SPOCK1: variants seen among roughly 807,000 people sequenced by gnomAD.
The protein encoded by SPOCK1 is SPARC (osteonectin), cwcv and kazal like domains proteoglycan 1, also known as testican-1.
In SPOCK1, 23 loss-of-function variants were observed where a neutral mutation model predicts 55.3. The observed-to-expected ratio is 0.42, with a 90% CI of 0.30 to 0.59. The LOEUF is 0.59. Ranked by LOEUF, SPOCK1 falls within the 20% of genes least tolerant of loss-of-function variation. The probability of loss-of-function intolerance (pLI) is 0.22; values close to 1 mark genes in which losing one functional copy is unlikely to be tolerated. For missense variants in SPOCK1, 499 were observed against 552.5 expected (o/e 0.90, Z 0.97); for synonymous variants, 226 against 221.0 (o/e 1.02, Z -0.20).
intron 3 of SPOCK1, among the ~76,000 whole-genome samples, chr5:137,221,950 G>C (rs1023341866): frequency 1.3e-5 from 2 of 152,192 alleles, no homozygotes; most frequent in African/African-American, 2.4e-5. Flanking sequence ...GTTTCTGTCT[G>C]ATGAGAAAGC....
intron 3 of SPOCK1, among the ~76,000 whole-genome samples, chr5:137,171,183 C>A (rs965922230): frequency 6.6e-6 from 1 of 152,190 alleles, no homozygotes; most frequent in African/African-American, 2.4e-5. Context: ...TGTGTCCTGA[C>A]AATCTGCTCT....
chr5:136,992,786 T>G (rs765795342), intron 6 of SPOCK1, 186 bp from the exon 7 acceptor site: 6 of 493,660 alleles, frequency 1.2e-5, no homozygotes, highest in Non-Finnish European at 2.1e-5. Flanking sequence ...AAAGAGAGCC[T>G]AGACCCCCAG....
At chr5:137,172,921 C>A (rs542598198) in intron 3 of SPOCK1, among the ~76,000 whole-genome samples, 4 of 152,190 alleles carry the variant, frequency 2.6e-5, no homozygotes, top group Admixed American at 1.3e-4. Context: ...AGACAGACTA[C>A]AAACCAGCTA....
chr5:137,000,139 G>C (rs1434637771), intron 6 of SPOCK1, among the ~76,000 whole-genome samples: 9 of 152,132 alleles, frequency 5.9e-5, no homozygotes, highest in Non-Finnish European at 7.4e-5. Context: ...TTCTCTTTGG[G>C]AGCAAGCTCG....
intron 3 of SPOCK1, among the ~76,000 whole-genome samples, chr5:137,158,777 C>T (rs1229847972): frequency 1.3e-5 from 2 of 152,034 alleles, no homozygotes; most frequent in Admixed American, 1.3e-4. Flanking sequence ...GGAGAAAGGA[C>T]AGGTTGGGGG....
chr5:137,011,281 A>T (rs937720182), intron 6 of SPOCK1, among the ~76,000 whole-genome samples: 1 of 152,190 alleles, frequency 6.6e-6, no homozygotes, highest in Admixed American at 6.6e-5. Context: ...GGTTTGTGAG[A>T]ATAGTTGAGC....
chr5:137,394,765 T>C, intron 2 of SPOCK1, among the ~76,000 whole-genome samples: 1 of 152,184 alleles, frequency 6.6e-6, no homozygotes. Flanking sequence ...AGAAGTGTTA[T>C]AAAGTGTAAT....
intron 6 of SPOCK1, among the ~76,000 whole-genome samples, chr5:137,052,182 T>G (rs1033670428): frequency 1.3e-5 from 2 of 152,186 alleles, no homozygotes; most frequent in African/African-American, 4.8e-5. Flanking sequence ...TGGAGCCTGG[T>G]TCCCTTATGA....
At position 137,112,581 on chromosome 5, in the gene SPOCK1, G is replaced by A. The variant is rs772930433; in HGVS notation, c.348-20C>T. On this transcript the variant is annotated intron_variant, in intron 4 of 10. Transcript: ENST00000394945. Reference sequence around the variant, plus strand: ...TTTTGCCTAAAGATGAGAAAAAAGGGGATAAATTAGTTGAAGCTCCAGACC... The same window carrying A: ...TTTTGCCTAAAGATGAGAAAAAAGGAGATAAATTAGTTGAAGCTCCAGACC... 1 of 1,609,600 alleles carries A rather than the reference G, an allele frequency of 6.2e-7. No homozygotes were observed. Among genetic ancestry groups the A allele is most frequent in the Middle Eastern group, 1.8e-4 (1 of 5,612 alleles).
chr5:137,422,282 G>A (rs191767533), intron 2 of SPOCK1, among the ~76,000 whole-genome samples: 30 of 152,304 alleles, frequency 2.0e-4, no homozygotes, highest in African/African-American at 6.0e-4. Context: ...CTCTTCTAGA[G>A]GAGTATCTTT....
At chr5:137,101,116 T>C (rs560811436) in intron 5 of SPOCK1, among the ~76,000 whole-genome samples, 40 of 152,274 alleles carry the variant, frequency 2.6e-4, no homozygotes, top group African/African-American at 9.6e-4. Context: ...AGTCTGACCA[T>C]ACTCATTAGA....
Position 137,224,947 on chromosome 5 carries a change from T to A in SPOCK1, c.232+42063A>T, listed in dbSNP as rs749194047. Reference sequence around the variant, plus strand: ...TCATTCACTTGTGGTACATTTCAAGTGTAAAATAGCTCACTTCATTTTCTT... The same window carrying A: ...TCATTCACTTGTGGTACATTTCAAGAGTAAAATAGCTCACTTCATTTTCTT... On this transcript the variant is annotated intron_variant, in intron 3 of 10. Coordinates refer to ENST00000394945, the MANE Select transcript of SPOCK1 (RefSeq NM_004598.4). 5.3e-5 allele frequency among the ~76,000 whole-genome samples: 8 copies of A among 152,256 alleles called. No homozygotes were observed. In the East Asian group the frequency reaches 1.4e-3, roughly 26 times the overall value.
intron 3 of SPOCK1, among the ~76,000 whole-genome samples, chr5:137,188,971 C>T (rs550516757): frequency 6.6e-6 from 1 of 152,350 alleles, no homozygotes; most frequent in South Asian, 2.1e-4. Context: ...CCAGTCAAAA[C>T]CTTCCTTAAG....
chr5:137,051,426 T>C (rs1752206501), intron 6 of SPOCK1, among the ~76,000 whole-genome samples: 1 of 152,226 alleles, frequency 6.6e-6, no homozygotes, highest in South Asian at 2.1e-4. Context: ...GCCACTGGCC[T>C]TATGCATCAA....
At chr5:137,005,408 A>T (rs1751229036) in intron 6 of SPOCK1, among the ~76,000 whole-genome samples, 1 of 152,232 alleles carries the variant, frequency 6.6e-6, no homozygotes, top group Non-Finnish European at 1.5e-5. Flanking sequence ...GTTTTGAAAA[A>T]AAAAGGAAAA....
intron 6 of SPOCK1, among the ~76,000 whole-genome samples, chr5:137,066,963 T>TACACACACACACACACACAC (rs147918575): frequency 7.4e-4 from 94 of 126,328 alleles, no homozygotes; most frequent in East Asian, 2.8e-3. Flanking sequence ...AACATAAGCA[T>TACACACACACACACACACAC]ACACACACAC....
At chr5:137,083,076 C>T (rs936634925) in intron 5 of SPOCK1, among the ~76,000 whole-genome samples, 10 of 152,178 alleles carry the variant, frequency 6.6e-5, no homozygotes, top group South Asian at 2.1e-4. Context: ...CAAAATAGAA[C>T]GGCTCCTGTC....
chr5:137,039,615 A>G (rs1751956465), intron 6 of SPOCK1, among the ~76,000 whole-genome samples: 2 of 152,178 alleles, frequency 1.3e-5, no homozygotes, highest in African/African-American at 4.8e-5. Flanking sequence ...CCACGCCCCC[A>G]TGGGCAGGGC....
At chr5:137,106,538 T>A (rs1753372431) in intron 5 of SPOCK1, among the ~76,000 whole-genome samples, 1 of 152,004 alleles carries the variant, frequency 6.6e-6, no homozygotes, top group Non-Finnish European at 1.5e-5. Flanking sequence ...CTGTAATGAC[T>A]CTATATCTGA....
Sources: gnomAD v4.1 joint callset for allele counts (sites outside exome capture counted in the v4.1 genomes callset) on GRCh38, gnomAD v4.1.1 for gene constraint, MANE v1.5 for transcripts, NCBI Gene and HGNC (gene_info 2026-07-23, HGNC 2026-07-21) for gene names.